DLGAP4: variants seen among roughly 807,000 people sequenced by gnomAD.
The protein encoded by DLGAP4 is disks large-associated protein 4.
In DLGAP4, 18 loss-of-function variants were observed where a neutral mutation model predicts 86.9. The observed-to-expected ratio is 0.21, with a 90% CI of 0.14 to 0.31. The LOEUF (loss-of-function observed/expected upper bound fraction) is 0.31, where lower values mean the gene tolerates loss of function less well. DLGAP4 is among the 10% of genes least tolerant of loss of function. DLGAP4 has a pLI of 1.00. For synonymous variants in DLGAP4, 548 were observed against 574.3 expected (o/e 0.95, Z 0.65); for missense variants, 1,085 against 1,362.6 (o/e 0.80, Z 3.21).
chr20:36,514,409 G>A (rs572851271), intron 10 of DLGAP4, among the ~76,000 whole-genome samples: 20 of 152,206 alleles, frequency 1.3e-4, no homozygotes, highest in Non-Finnish European at 2.2e-4. Flanking sequence ...CAGCTGTTTC[G>A]TTGTTGTTGC....
At chr20:36,390,393 A>G (rs931760016) in intron 2 of DLGAP4, among the ~76,000 whole-genome samples, 2 of 152,040 alleles carry the variant, frequency 1.3e-5, no homozygotes, top group African/African-American at 4.8e-5. Flanking sequence ...CCTCAAACCC[A>G]AGCCTTCTGC....
At chr20:36,388,718 T>G (rs1211317266) in intron 2 of DLGAP4, among the ~76,000 whole-genome samples, 1 of 152,118 alleles carries the variant, frequency 6.6e-6, no homozygotes, top group East Asian at 1.9e-4. Flanking sequence ...CCTCAGAGGG[T>G]TGATGAGAGA....
rs529745254 is a variant in DLGAP4 at position 36,345,963 on chromosome 20, C to T, written c.-303-21082C>T. ...GTAGAGACAGGGTCTTGCTATGTTG[C>T]CCTGGCTGTTCTCAAACTCCTGGCC... On this transcript the variant is annotated intron_variant, in intron 1 of 12. Coordinates refer to ENST00000339266, the MANE Select transcript of DLGAP4 (RefSeq NM_001365621.2). 1.2e-4 allele frequency among the ~76,000 whole-genome samples: 19 copies of T among 152,236 alleles called. No individual in the cohort carries two copies. In the South Asian group the frequency reaches 3.5e-3, roughly 28 times the overall value.
chr20:36,442,238 A>G (rs2033467017), intron 5 of DLGAP4, among the ~76,000 whole-genome samples: 1 of 152,320 alleles, frequency 6.6e-6, no homozygotes, highest in Non-Finnish European at 1.5e-5. Context: ...CTTGTTGCCC[A>G]GGCTGGAGTG....
chr20:36,494,983 G>GTTT (rs2035820561), intron 7 of DLGAP4, among the ~76,000 whole-genome samples: 1 of 111,844 alleles, frequency 8.9e-6, no homozygotes, highest in Admixed American at 9.6e-5. Context: ...TTTTTTGTTC[G>GTTT]GTTTTTTTTT....
At chr20:36,333,415 G>A (rs782462607) in intron 1 of DLGAP4, among the ~76,000 whole-genome samples, 5 of 152,086 alleles carry the variant, frequency 3.3e-5, no homozygotes, top group Non-Finnish European at 5.9e-5. Flanking sequence ...CCCTCTGCCT[G>A]ATGCGCCTCT....
chr20:36,353,015 C>T (rs895701697), intron 1 of DLGAP4, among the ~76,000 whole-genome samples: 7 of 152,204 alleles, frequency 4.6e-5, no homozygotes, highest in African/African-American at 1.7e-4. Context: ...CACTGTGTGG[C>T]CTTGCTAATG....
chr20:36,508,721 C>T (rs1425100564), intron 10 of DLGAP4: 1 of 152,306 alleles, frequency 6.6e-6, no homozygotes. Context: ...AGCCACTGCA[C>T]TGGGGCCATT....
chr20:36,333,919 C>A (rs782378857), intron 1 of DLGAP4, among the ~76,000 whole-genome samples: 20 of 152,240 alleles, frequency 1.3e-4, no homozygotes, highest in Non-Finnish European at 2.5e-4. Flanking sequence ...CCTTTAGAGG[C>A]ACTAGGAGCA....
In DLGAP4 at chr20:36,440,482, G is replaced by T. The variant is rs573154127; in HGVS notation, c.1356+614G>T. Among the ~76,000 whole-genome samples, 3 of 152,240 alleles carry T rather than the reference G, an allele frequency of 2.0e-5. No individual in the cohort carries two copies. The South Asian group carries it at 6.2e-4, about 32-fold the overall frequency. On this transcript the variant is annotated intron_variant, in intron 5 of 12. Transcript: ENST00000339266. ...TGCCTGTGTCAGTGAGGAGCATACT[G>T]GGCTGAACGTTGAATTTGCATGCCA...
chr20:36,510,958 G>C (rs1344692512), intron 10 of DLGAP4: 1 of 152,156 alleles, frequency 6.6e-6, no homozygotes, highest in African/African-American at 2.4e-5. Context: ...AACTATTCTT[G>C]TATCTTCATT....
At chr20:36,325,767 A>T (rs1462945234) in intron 1 of DLGAP4, among the ~76,000 whole-genome samples, 1 of 148,832 alleles carries the variant, frequency 6.7e-6, no homozygotes, top group Non-Finnish European at 1.5e-5. Flanking sequence ...CCTGGGCTGG[A>T]GTACAATGGC....
intron 1 of DLGAP4, among the ~76,000 whole-genome samples, chr20:36,309,558 G>T (rs890540522): frequency 6.6e-6 from 1 of 152,190 alleles, no homozygotes; most frequent in Non-Finnish European, 1.5e-5. Flanking sequence ...GGAGTTACAG[G>T]CCTGTAGCCC....
intron 6 of DLGAP4, among the ~76,000 whole-genome samples, chr20:36,446,337 A>G (rs1312017259): frequency 1.3e-5 from 2 of 152,194 alleles, no homozygotes; most frequent in Non-Finnish European, 2.9e-5. Context: ...CGCCACCCCC[A>G]TTCCAACATT....
At chr20:36,363,488 G>T (rs914967598) in intron 1 of DLGAP4, among the ~76,000 whole-genome samples, 2 of 152,216 alleles carry the variant, frequency 1.3e-5, no homozygotes, top group African/African-American at 4.8e-5. Context: ...GGTGGCAGCA[G>T]GGTGGGGAAA....
chr20:36,482,562 AGCGGGC>A (rs2035233688), intron 7 of DLGAP4, among the ~76,000 whole-genome samples: 1 of 152,170 alleles, frequency 6.6e-6, no homozygotes, highest in Non-Finnish European at 1.5e-5. Flanking sequence ...CACCAGACCA[AGCGGGC>A]TGCACATGTC....
At chr20:36,376,281 C>T (rs983133188) in intron 2 of DLGAP4, among the ~76,000 whole-genome samples, 1 of 152,052 alleles carries the variant, frequency 6.6e-6, no homozygotes, top group Non-Finnish European at 1.5e-5. Flanking sequence ...AGTTCAGTGG[C>T]CAACACGGCG....
At chr20:36,427,678 C>T (rs1435260463) in intron 2 of DLGAP4, among the ~76,000 whole-genome samples, 2 of 152,016 alleles carry the variant, frequency 1.3e-5, no homozygotes, top group Non-Finnish European at 2.9e-5. Context: ...TGCAGTGGCT[C>T]ACGCCTGTAA....
At chr20:36,522,825 G>A (rs543376599) in intron 10 of DLGAP4, among the ~76,000 whole-genome samples, 40 of 152,236 alleles carry the variant, frequency 2.6e-4, no homozygotes, top group Non-Finnish European at 5.4e-4. Context: ...GGGGGTTGGG[G>A]ATGGGTGGCA....
Sources: gnomAD v4.1 joint callset for allele counts (sites outside exome capture counted in the v4.1 genomes callset) on GRCh38, gnomAD v4.1.1 for gene constraint, MANE v1.5 for transcripts, NCBI Gene and HGNC (gene_info 2026-07-23, HGNC 2026-07-21) for gene names.